Variants in TG observed in about 807,000 individuals in gnomAD.
TG encodes the protein thyroglobulin.
In TG, 270 loss-of-function variants were observed where a neutral mutation model predicts 324.7. The ratio of observed to expected loss-of-function variants is 0.83; its 90% CI spans 0.75 to 0.92. TG has a LOEUF of 0.92. Ranked by LOEUF, TG falls within the 40% of genes least tolerant of loss-of-function variation. TG has a pLI of 0.00. For synonymous variants in TG, 1,401 were observed against 1,327.0 expected, an observed-to-expected ratio of 1.06 and a Z score of -1.21; for missense variants, 3,591 against 3,456.4, an observed-to-expected ratio of 1.04 and a Z score of -0.98.
intron 43 of TG, among the ~76,000 whole-genome samples, chr8:133,099,551 T>C (rs529604392): frequency 7.9e-5 from 12 of 152,326 alleles, no homozygotes; most frequent in African/African-American, 2.2e-4. Flanking sequence ...AATGGCCCAC[T>C]TGACATCTTC....
chr8:132,931,331 G>A (rs12545027), intron 23 of TG, among the ~76,000 whole-genome samples: 61,226 of 151,864 alleles, frequency 0.4, 15,029 homozygotes, highest in Admixed American at 0.53. Flanking sequence ...GCTTGGGGAA[G>A]GACTACATGA....
At chr8:132,878,448 C>A (rs1164637822) in intron 5 of TG, among the ~76,000 whole-genome samples, 1 of 151,974 alleles carries the variant, frequency 6.6e-6, no homozygotes, top group East Asian at 1.9e-4. Flanking sequence ...AACCTCGTCT[C>A]TACTAAAAAT....
chr8:132,869,694 A>G, intron 2 of TG, 35 bp from the exon 3 acceptor site: 2 of 1,596,642 alleles, frequency 1.3e-6, no homozygotes, highest in Non-Finnish European at 1.7e-6. Context: ...TTGGGGGCCC[A>G]TCCCAGGGTC....
At chr8:132,986,301 TTGTATATATATATGTGTGTGTG>T (rs36223872) in intron 35 of TG, among the ~76,000 whole-genome samples, 1 of 151,544 alleles carries the variant, frequency 6.6e-6, no homozygotes, top group Non-Finnish European at 1.5e-5. Flanking sequence ...TAATATTGCA[TTGTATATATATATGTGTGTGTG>T]TGTATATATA....
rs1828608077 is a variant in TG, at chr8:132,966,655, C to T, written c.5644C>T (p.His1882Tyr). Residue 1882 changes from histidine to tyrosine, a missense_variant, in exon 30 of 48, where the codon CAC (histidine) becomes TAC (tyrosine). Transcript: ENST00000220616. Reference sequence around the variant, plus strand: ...CAGCCAGAAGCACTGGCTTTTCAAGCACCTGTTTTCAGCCCAGCAGGCAAA... The same window carrying T: ...CAGCCAGAAGCACTGGCTTTTCAAGTACCTGTTTTCAGCCCAGCAGGCAAA... ...LSSQKHWLFK[H>Y]LFSAQQANLW... 6.2e-6 allele frequency: 10 copies of T among 1,614,000 alleles called. No individual in the cohort carries two copies. The highest frequency in any genetic ancestry group is 1.3e-5 in the African/African-American group (1 of 74,906).
At chr8:132,963,170 A>G (rs1828016953) in intron 29 of TG, 96 bp downstream of exon 29, 4 of 1,100,148 alleles carry the variant, frequency 3.6e-6, no homozygotes, top group African/African-American at 1.5e-5. Context: ...ACGTATTGAC[A>G]TCACTCTATT....
Position 132,873,211 on chromosome 8 carries a change from A to G in TG, c.628A>G (p.Ser210Gly). The G allele has an allele frequency of 1.2e-6, 2 of 1,614,134 alleles. No homozygotes were observed. The highest frequency in any genetic ancestry group is 2.2e-5 in the South Asian group (2 of 91,068). The change falls in exon 5 of 48, where the codon AGC becomes GGC. Residue 210 changes from serine to glycine, a missense_variant. Physicochemically the swap from Ser to Gly is moderately conservative, Grantham distance 56. Coordinates refer to ENST00000220616, the MANE Select transcript of TG (RefSeq NM_003235.5). Reference sequence around the variant, plus strand: ...CATGATGATTTTTGATCTGGTCCACAGCTACAACAGGTAAGGGGAGCAGGG... The same window carrying G: ...CATGATGATTTTTGATCTGGTCCACGGCTACAACAGGTAAGGGGAGCAGGG... ...TDMMIFDLVH[S>G]YNRFPDAFVT...
chr8:133,032,365 G>A (rs1470628426), intron 41 of TG, among the ~76,000 whole-genome samples: 1 of 152,164 alleles, frequency 6.6e-6, no homozygotes, highest in Non-Finnish European at 1.5e-5. Context: ...ATCCTGGAGA[G>A]ATTTCTCCAG....
intron 22 of TG, among the ~76,000 whole-genome samples, chr8:132,926,196 C>T (rs1274165573): frequency 3.3e-5 from 5 of 152,148 alleles, no homozygotes; most frequent in Non-Finnish European, 7.4e-5. Context: ...CTTATACCTC[C>T]CCAGACAGGT....
chr8:132,987,708 C>T (rs1026557262), intron 35 of TG, among the ~76,000 whole-genome samples: 3 of 126,916 alleles, frequency 2.4e-5, no homozygotes, highest in African/African-American at 9.8e-5. Context: ...GTCTTTTATA[C>T]GTGTGTGTGT....
At position 133,107,986 on chromosome 8, in the gene TG, T is replaced by C. The variant is rs1282672930; in HGVS notation, c.7573-5436T>C. On this transcript the variant is annotated intron_variant, in intron 43 of 47. Transcript: ENST00000220616. ...TCCTTTTTCTTTTCTTTTCTTCTTT[T>C]TTTTTTTTTTTTTTTGAGACAGAGT... is the stretch of plus-strand genomic sequence containing the variant. Among the ~76,000 whole-genome samples, 1,341 of 143,874 alleles carry C rather than the reference T, an allele frequency of 9.3e-3. 18 individuals carry two copies. Among genetic ancestry groups the C allele is most frequent in the African/African-American group, 0.033 (1,288 of 38,524 alleles). 94.4% of individuals were successfully genotyped at this position (143,874 alleles called of 152,430 possible). A position where few individuals can be genotyped will look rare whatever the true frequency, so the allele number is the denominator to read the frequency against.
chr8:132,908,352 G>A lies in TG; in HGVS notation c.4002+12G>A, dbSNP rs934084754. On this transcript the variant is annotated intron_variant, in intron 18 of 47. Transcript: ENST00000220616. ...TCTGCCAGATCCAGGTACATGCCTG[G>A]CCTTCCCCACAGTGAGGGCTTGGAC... 5 of 1,527,308 alleles carry A rather than the reference G, an allele frequency of 3.3e-6. No homozygotes were observed. The South Asian group carries it at 4.6e-5, about 14-fold the overall frequency. The allele number at this position is 1,527,308 out of a possible 1,614,324, so 94.6% of individuals were successfully genotyped here. A position where few individuals can be genotyped will look rare whatever the true frequency, so the allele number is the denominator to read the frequency against.
rs144905796 is a variant in TG, at chr8:133,029,941, G to A, written c.7157G>A (p.Arg2386His). 4.4e-4 allele frequency: 716 copies of A among 1,614,218 alleles called. 4 individuals are homozygous for A. The highest frequency in any genetic ancestry group is 8.0e-4 in the African/African-American group (60 of 75,072). ...DPRRVSLAAD[R>H]GGADVASIHL... ...CGGCGCGTGTCCCTGGCAGCAGACC[G>A]TGGCGGGGCTGATGTGGCCAGCATC... The change falls in exon 41 of 48, where the codon CGT becomes CAT. Residue 2386 changes from arginine (R) to histidine (H), a missense_variant. Coordinates refer to ENST00000220616, the MANE Select transcript of TG (RefSeq NM_003235.5).
chr8:133,084,320 C>T lies in TG; in HGVS notation c.7240-10724C>T, dbSNP rs553516592. On this transcript the variant is annotated intron_variant, in intron 41 of 47. Transcript: ENST00000220616. ...GCAGAAAAAAATGACTAGAAAGAAG[C>T]AGTCAGGGTCTTTTACAAGTTATAA... 2.0e-5 allele frequency among the ~76,000 whole-genome samples: 3 copies of T among 152,266 alleles called. No individual in the cohort carries two copies. In the South Asian group the frequency reaches 6.2e-4, roughly 32 times the overall value.
At chr8:133,096,099 C>A in intron 42 of TG, 107 bp from the exon 43 acceptor site, 1 of 1,398,198 alleles carries the variant, frequency 7.2e-7, no homozygotes, top group Admixed American at 1.7e-5. Context: ...TCAGTAGAGT[C>A]ATAGATGGAT....
chr8:133,075,125 C>A, intron 41 of TG: 6 of 985,386 alleles, frequency 6.1e-6, no homozygotes, highest in Non-Finnish European at 7.2e-6. Context: ...CTTCTCTCTG[C>A]AAGGACTGGG....
intron 41 of TG, among the ~76,000 whole-genome samples, chr8:133,030,678 C>G (rs1836555406): frequency 6.6e-6 from 1 of 152,198 alleles, no homozygotes; most frequent in African/African-American, 2.4e-5. Context: ...GGTTGAGGGA[C>G]AAATGCTTAA....
chr8:132,986,632 T>G (rs1831589843), intron 35 of TG, among the ~76,000 whole-genome samples: 1 of 152,134 alleles, frequency 6.6e-6, no homozygotes, highest in African/African-American at 2.4e-5. Context: ...TTATTTTTGG[T>G]CATTTGATTG....
At chr8:133,094,891 T>C in intron 41 of TG, 153 bp from the exon 42 acceptor site, 1 of 987,084 alleles carries the variant, frequency 1.0e-6, no homozygotes, top group Non-Finnish European at 1.6e-6. Flanking sequence ...TGACCAATCC[T>C]TATCTTCCCA....
Sources: allele counts gnomAD v4.1 joint callset (sites outside exome capture counted in the v4.1 genomes callset), GRCh38; gene constraint gnomAD v4.1.1; transcripts MANE v1.5; gene names NCBI Gene and HGNC (gene_info 2026-07-23, HGNC 2026-07-21).